SRGAP1: variants seen among roughly 807,000 people sequenced by gnomAD.
SRGAP1 encodes the protein SLIT-ROBO Rho GTPase-activating protein 1.
In SRGAP1, 43 loss-of-function variants were observed where a neutral mutation model predicts 121.9. The observed-to-expected ratio is 0.35, with a 90% CI of 0.28 to 0.46. SRGAP1 has a LOEUF of 0.46. Ranked by LOEUF, SRGAP1 falls within the 20% of genes least tolerant of loss-of-function variation. SRGAP1 has a pLI of 1.00. For missense variants in SRGAP1, 1,102 were observed against 1,350.9 expected (o/e 0.82, Z 2.89); for synonymous variants, 447 against 485.4 (o/e 0.92, Z 1.04).
intron 18 of SRGAP1, among the ~76,000 whole-genome samples, chr12:64,116,255 CAAAAAAAAA>C (rs35619316): frequency 2.8e-5 from 2 of 72,664 alleles, no homozygotes; most frequent in Admixed American, 3.3e-4. Context: ...GACCTCATCT[CAAAAAAAAA>C]AAAAAAAAAA....
chr12:63,879,395 A>G (rs534720499), intron 1 of SRGAP1: 1 of 152,270 alleles, frequency 6.6e-6, no homozygotes, highest in South Asian at 2.1e-4. Context: ...CTCTCAGACT[A>G]TCTATGGTGA....
chr12:63,865,373 G>A (rs1899591503), intron 1 of SRGAP1, among the ~76,000 whole-genome samples: 1 of 152,108 alleles, frequency 6.6e-6, no homozygotes, highest in Non-Finnish European at 1.5e-5. Flanking sequence ...GGAGACTGAG[G>A]CAGGAGAATC....
At chr12:64,123,860 G>C (rs901952057) in intron 18 of SRGAP1, among the ~76,000 whole-genome samples, 4 of 151,958 alleles carry the variant, frequency 2.6e-5, no homozygotes, top group African/African-American at 9.7e-5. Context: ...CAACTACTTT[G>C]TTGGGAAGCC....
intron 19 of SRGAP1, among the ~76,000 whole-genome samples, chr12:64,127,007 C>CCA (rs1354736724): frequency 6.6e-6 from 1 of 152,128 alleles, no homozygotes; most frequent in African/African-American, 2.4e-5. Flanking sequence ...TACGCAAATA[C>CCA]TTGTTTACAC....
intron 9 of SRGAP1, among the ~76,000 whole-genome samples, chr12:64,079,877 T>G (rs2035805087): frequency 6.6e-6 from 1 of 152,122 alleles, no homozygotes; most frequent in Non-Finnish European, 1.5e-5. Flanking sequence ...AACAAGTTTC[T>G]GGCGTCTAGA....
Position 64,149,389 on chromosome 12 carries a change from G to T in SRGAP1, c.*6717G>T, listed in dbSNP as rs1592365807. On this transcript the variant is annotated 3_prime_UTR_variant, in exon 22 of 22. Coordinates refer to ENST00000355086, the MANE Select transcript of SRGAP1 (RefSeq NM_020762.4). ...AGTCATGTTCTCTTACCCGATGCTG[G>T]ATGCTTTTTCTTCAATGCCTACTTT... is the stretch of plus-strand genomic sequence containing the variant. The T allele has an allele frequency of 6.6e-6, 1 of 152,296 alleles. No homozygotes were observed. Among genetic ancestry groups the T allele is most frequent in the East Asian group, 1.9e-4 (1 of 5,184 alleles). The allele number at this position is 152,296 out of a possible 1,614,324, so 9.4% of individuals were successfully genotyped here. A position where few individuals can be genotyped will look rare whatever the true frequency, so the allele number is the denominator to read the frequency against.
At chr12:64,085,496 C>T (rs760211092) in intron 10 of SRGAP1, among the ~76,000 whole-genome samples, 10 of 152,150 alleles carry the variant, frequency 6.6e-5, no homozygotes, top group Admixed American at 1.3e-4. Context: ...ATGGACCCAA[C>T]ACAACCTAAA....
chr12:63,856,485 G>C (rs922728149), intron 1 of SRGAP1, among the ~76,000 whole-genome samples: 11 of 152,004 alleles, frequency 7.2e-5, no homozygotes, highest in African/African-American at 2.4e-4. Context: ...TTTTTATTTT[G>C]TGTGAGCTAG....
At chr12:63,848,613 C>G (rs1287215397) in intron 1 of SRGAP1, among the ~76,000 whole-genome samples, 5 of 151,890 alleles carry the variant, frequency 3.3e-5, no homozygotes, top group Admixed American at 3.3e-4. Flanking sequence ...GACACGATCT[C>G]TGCTCTCTGA....
At position 64,001,096 on chromosome 12, in the gene SRGAP1, T is replaced by G. The variant is rs181040736; in HGVS notation, c.426+11024T>G. On this transcript the variant is annotated intron_variant, in intron 3 of 21. Transcript: ENST00000355086. ...CACAAACACGTAGTACTTTCGAGCC[T>G]CAAGCTTGCATGACTTCTACCCAGC... Among the ~76,000 whole-genome samples, 142 of 152,196 alleles carry G rather than the reference T, an allele frequency of 9.3e-4. 2 individuals carry two copies.
intron 1 of SRGAP1, 138 bp from the exon 2 acceptor site, chr12:63,983,798 ATATATATATAT>A (rs2033321997): frequency 1.8e-3 from 2 of 1,116 alleles, no homozygotes; most frequent in African/African-American, 2.5e-3. Flanking sequence ...TACATTTAAA[ATATATATATAT>A]ATATATATAT....
At chr12:64,002,916 A>G (rs2033945995) in intron 3 of SRGAP1, among the ~76,000 whole-genome samples, 1 of 152,100 alleles carries the variant, frequency 6.6e-6, no homozygotes, top group Admixed American at 6.6e-5. Flanking sequence ...AAAGAACCAG[A>G]TAAATTTCAA....
At chr12:63,936,069 A>C (rs977299788) in intron 1 of SRGAP1, among the ~76,000 whole-genome samples, 2 of 152,158 alleles carry the variant, frequency 1.3e-5, no homozygotes, top group African/African-American at 2.4e-5. Flanking sequence ...TATATTTCTG[A>C]ATTTTCTTAA....
At chr12:64,113,099 C>CTG (rs1290695717) in intron 17 of SRGAP1, among the ~76,000 whole-genome samples, 9 of 151,356 alleles carry the variant, frequency 5.9e-5, no homozygotes, top group South Asian at 4.2e-4. Flanking sequence ...AAACAAGACC[C>CTG]TGTCTCTAAA....
At chr12:64,003,090 G>GGGAGGGTGGGAA (rs1555164470) in intron 3 of SRGAP1, among the ~76,000 whole-genome samples, 1 of 117,954 alleles carries the variant, frequency 8.5e-6, no homozygotes, top group Non-Finnish European at 1.7e-5. Flanking sequence ...AAGGGAGGGT[G>GGGAGGGTGGGAA]GGAGGGAGGG....
intron 1 of SRGAP1, among the ~76,000 whole-genome samples, chr12:63,852,049 C>T (rs1899092489): frequency 1.3e-5 from 2 of 152,154 alleles, no homozygotes; most frequent in South Asian, 2.1e-4. Flanking sequence ...CACAGTGGCC[C>T]AATCTCGGCT....
intron 2 of SRGAP1, among the ~76,000 whole-genome samples, chr12:63,984,555 C>T (rs545904027): frequency 1.3e-5 from 2 of 152,166 alleles, no homozygotes; most frequent in South Asian, 4.2e-4. Context: ...TTTTGTGCCC[C>T]CCTTCCTGCC....
intron 4 of SRGAP1, among the ~76,000 whole-genome samples, chr12:64,029,282 G>GA (rs2034722387): frequency 6.6e-6 from 1 of 152,202 alleles, no homozygotes. Flanking sequence ...CAGATAAATG[G>GA]AGAGTACTAA....
intron 18 of SRGAP1, chr12:64,120,546 G>T (rs545928695): frequency 6.6e-5 from 10 of 152,234 alleles, no homozygotes; most frequent in African/African-American, 2.4e-4. Context: ...CTATGGAGAG[G>T]TATTGAGAGC....
Sources: gnomAD v4.1 joint callset for allele counts (sites outside exome capture counted in the v4.1 genomes callset) on GRCh38, gnomAD v4.1.1 for gene constraint, MANE v1.5 for transcripts, NCBI Gene and HGNC (gene_info 2026-07-23, HGNC 2026-07-21) for gene names.